Variants in CMTM6 observed in about 807,000 individuals in gnomAD.
CMTM6 encodes CKLF like MARVEL transmembrane domain containing 6.
CMTM6 carries 5 observed loss-of-function variants against 13.6 expected under a neutral mutation model. The ratio of observed to expected loss-of-function variants is 0.37; its 90% CI spans 0.19 to 0.77. The LOEUF is 0.77. Ranked by LOEUF, CMTM6 falls within the 30% of genes least tolerant of loss-of-function variation. The pLI is 0.50. For synonymous variants in CMTM6, 99 were observed against 84.5 expected (o/e 1.17, Z -0.94); for missense variants, 196 against 218.6 (o/e 0.90, Z 0.65).
At chr3:32,494,777 G>A (rs2125658317) in intron 1 of CMTM6, among the ~76,000 whole-genome samples, 1 of 152,288 alleles carries the variant, frequency 6.6e-6, no homozygotes, top group Middle Eastern at 3.4e-3. Flanking sequence ...CATATTGCAT[G>A]ATTCCATTCA....
chr3:32,499,041 T>A (rs1697323515), intron 1 of CMTM6, among the ~76,000 whole-genome samples: 1 of 152,172 alleles, frequency 6.6e-6, no homozygotes, highest in Non-Finnish European at 1.5e-5. Flanking sequence ...ATGATATGAA[T>A]TATAAATTAA....
rs973957561 is a variant in CMTM6, at chr3:32,483,916, A to G, written c.*44T>C. On this transcript the variant is annotated 3_prime_UTR_variant, in exon 4 of 4. Transcript: ENST00000205636. ...GCTTCTGCCAGGGCTCAGGCACCAC[A>G]ATGCAGGGTCACTACCTTAGGTAAC... 6 of 1,490,798 alleles carry G rather than the reference A, an allele frequency of 4.0e-6. No individual in the cohort carries two copies. Among genetic ancestry groups the G allele is most frequent in the Middle Eastern group, 1.8e-4 (1 of 5,542 alleles). 92.3% of individuals were successfully genotyped at this position (1,490,798 alleles called of 1,614,324 possible). A position where few individuals can be genotyped will look rare whatever the true frequency, so the allele number is the denominator to read the frequency against.
intron 2 of CMTM6, among the ~76,000 whole-genome samples, chr3:32,489,460 G>A (rs1697232816): frequency 6.6e-6 from 1 of 151,844 alleles, no homozygotes; most frequent in South Asian, 2.1e-4. Flanking sequence ...AGAACACCAT[G>A]GCCAACATGG....
intron 2 of CMTM6, among the ~76,000 whole-genome samples, chr3:32,488,919 G>T (rs1039024413): frequency 6.6e-6 from 1 of 152,146 alleles, no homozygotes; most frequent in Non-Finnish European, 1.5e-5. Flanking sequence ...ACTCCAAAGG[G>T]TTTTAAGTCT....
rs747859601 is a variant in CMTM6 at position 32,487,887 on chromosome 3, A to G, written c.414+51T>C. 15 of 1,335,182 alleles carry G rather than the reference A, an allele frequency of 1.1e-5. 1 individual carries two copies. The highest frequency in any genetic ancestry group is 8.6e-5 in the South Asian group (7 of 81,314). 82.7% of individuals were successfully genotyped at this position (1,335,182 alleles called of 1,614,324 possible). On this transcript the variant is annotated intron_variant, in intron 3 of 3. Transcript: ENST00000205636. Reference sequence around the variant, plus strand: ...ACTTGTCAAGTACTCTCCAAATTCCATATTTCTAAGGAAACAAAAATAAGC... The same window carrying G: ...ACTTGTCAAGTACTCTCCAAATTCCGTATTTCTAAGGAAACAAAAATAAGC...
rs181673129 is a variant in CMTM6 at position 32,485,651 on chromosome 3, T to C, written c.415-1554A>G. ...TTAAAACTTTGATTTTTCTCTTCTA[T>C]TGGTTCATGTACCCATGAATAAATA... On this transcript the variant is annotated intron_variant, in intron 3 of 3. Transcript: ENST00000205636. 4.3e-3 allele frequency among the ~76,000 whole-genome samples: 653 copies of C among 152,348 alleles called. 6 individuals are homozygous for C. Among genetic ancestry groups the C allele is most frequent in the African/African-American group, 0.015 (627 of 41,570 alleles).
rs1385375367 is a variant in CMTM6 at position 32,483,966 on chromosome 3, A to G, written c.546T>C (p.Asn182=). The part of the protein sequence containing the change: ...TRAEALTEPL[N]A Reference sequence around the variant, plus strand: ...CATCTGCTCCCCAGAGTCTTTAGGCATTAAGTGGCTCAGTGAGGGCTTCAG... The same window carrying G: ...CATCTGCTCCCCAGAGTCTTTAGGCGTTAAGTGGCTCAGTGAGGGCTTCAG... Residue 182 remains asparagine, a synonymous_variant, in exon 4 of 4, where the codon AAT becomes AAC. Coordinates refer to ENST00000205636, the MANE Select transcript of CMTM6 (RefSeq NM_017801.3). 2.5e-6 allele frequency: 4 copies of G among 1,602,052 alleles called. No homozygotes were observed. Among genetic ancestry groups the G allele is most frequent in the Non-Finnish European group, 3.4e-6 (4 of 1,175,996 alleles).
chr3:32,496,319 C>A (rs1335867598), intron 1 of CMTM6, among the ~76,000 whole-genome samples: 1 of 151,770 alleles, frequency 6.6e-6, no homozygotes, highest in Non-Finnish European at 1.5e-5. Context: ...CGATGGCTCA[C>A]ATCTGTAATC....
At chr3:32,491,072 C>G (rs1297582217) in intron 2 of CMTM6, among the ~76,000 whole-genome samples, 1 of 152,150 alleles carries the variant, frequency 6.6e-6, no homozygotes, top group Admixed American at 6.5e-5. Context: ...ATAGAAATTC[C>G]TATAGTGATG....
At position 32,502,736 on chromosome 3, in the gene CMTM6, C is replaced by G. The variant is rs1219013646; in HGVS notation, c.10G>C (p.Gly4Arg). 6.7e-7 allele frequency: 1 copy of G among 1,482,494 alleles called. No homozygotes were observed. The highest frequency in any genetic ancestry group is 2.7e-5 in the East Asian group (1 of 36,786). 91.8% of individuals were successfully genotyped at this position (1,482,494 alleles called of 1,614,324 possible). ...TCCGTAGTGGGGCTGTACACCGCTCCGTTCTCCATCGCCTCGGGCCGGGGA... is the reference window on the plus strand; with the variant it reads ...TCCGTAGTGGGGCTGTACACCGCTCGGTTCTCCATCGCCTCGGGCCGGGGA... MEN[G>R]AVYSPTTEED... Residue 4 changes from glycine (G) to arginine (R), a missense_variant, in exon 1 of 4, where the codon GGA (glycine) becomes CGA (arginine). Coordinates refer to ENST00000205636, the MANE Select transcript of CMTM6 (RefSeq NM_017801.3).
At position 32,483,183 on chromosome 3, in the gene CMTM6, T is replaced by TC. The variant is rs1349200070; in HGVS notation, c.*776_*777insG. 1 of 152,686 alleles carries TC rather than the reference T, an allele frequency of 6.5e-6. No homozygotes were observed. Among genetic ancestry groups the TC allele is most frequent in the Non-Finnish European group, 1.5e-5 (1 of 68,048 alleles). 9.5% of individuals were successfully genotyped at this position (152,686 alleles called of 1,614,324 possible). On this transcript the variant is annotated 3_prime_UTR_variant, in exon 4 of 4. Coordinates refer to ENST00000205636, the MANE Select transcript of CMTM6 (RefSeq NM_017801.3). ...CTTGGGCAAAAAGTCTTTCTTATCT[T>TC]TGGTCCTTAGGTGTGGTATCAGTTT...
At chr3:32,485,989 T>C (rs575365865) in intron 3 of CMTM6, among the ~76,000 whole-genome samples, 8 of 152,350 alleles carry the variant, frequency 5.3e-5, no homozygotes, top group African/African-American at 1.9e-4. Flanking sequence ...GCGATTTTCC[T>C]GCCTCAGCCT....
At chr3:32,495,432 TAATAA>T (rs967439902) in intron 1 of CMTM6, among the ~76,000 whole-genome samples, 1 of 152,246 alleles carries the variant, frequency 6.6e-6, no homozygotes, top group Non-Finnish European at 1.5e-5. Context: ...GACTATAGTC[TAATAA>T]AATACTAAAT....
chr3:32,501,787 A>C lies in CMTM6; in HGVS notation c.138+821T>G, dbSNP rs569367652. ...CCTAAACTGGTTCTATTGCAGAAATAGAACCTAAACTGTTTCTATTTTTCC... is the reference window on the plus strand; with the variant it reads ...CCTAAACTGGTTCTATTGCAGAAATCGAACCTAAACTGTTTCTATTTTTCC... On this transcript the variant is annotated intron_variant, in intron 1 of 3. Coordinates refer to ENST00000205636, the MANE Select transcript of CMTM6 (RefSeq NM_017801.3). Among the ~76,000 whole-genome samples, 363 of 152,360 alleles carry C rather than the reference A, an allele frequency of 2.4e-3. 2 individuals carry two copies. Among genetic ancestry groups the C allele is most frequent in the African/African-American group, 8.4e-3 (348 of 41,576 alleles).
chr3:32,485,972 G>A (rs1005110535), intron 3 of CMTM6, among the ~76,000 whole-genome samples: 3 of 152,128 alleles, frequency 2.0e-5, no homozygotes, highest in South Asian at 2.1e-4. Context: ...CCGCCTCCTC[G>A]GTTCAAGCGA....
intron 3 of CMTM6, 101 bp from the exon 4 acceptor site, chr3:32,484,198 G>T: frequency 1.8e-6 from 2 of 1,095,320 alleles, no homozygotes; most frequent in Non-Finnish European, 2.5e-6. Context: ...AGATGTTCAT[G>T]AATTTTATCT....
intron 1 of CMTM6, among the ~76,000 whole-genome samples, chr3:32,497,462 G>A (rs557988083): frequency 1.3e-5 from 2 of 149,528 alleles, no homozygotes; most frequent in South Asian, 4.2e-4. Flanking sequence ...CTCATACCGT[G>A]ACACCTGGTA....
chr3:32,486,381 C>T (rs61172752), intron 3 of CMTM6, among the ~76,000 whole-genome samples: 1 of 151,392 alleles, frequency 6.6e-6, no homozygotes. Context: ...AAAATTGACA[C>T]AAAGTAAGCC....
rs1488012851 is a variant in CMTM6, at chr3:32,483,025, G to A, written c.*935C>T. 6.6e-6 allele frequency: 1 copy of A among 152,586 alleles called. No individual in the cohort carries two copies. The highest frequency in any genetic ancestry group is 2.4e-5 in the African/African-American group (1 of 41,430). 9.5% of individuals were successfully genotyped at this position (152,586 alleles called of 1,614,324 possible). ...GAAAACACTAAGGAAGACCCACAGA[G>A]CTGTATTAATTTTAGTAAAAATAAT... On this transcript the variant is annotated 3_prime_UTR_variant, in exon 4 of 4. Transcript: ENST00000205636.
Sources: allele counts gnomAD v4.1 joint callset (sites outside exome capture counted in the v4.1 genomes callset), GRCh38; gene constraint gnomAD v4.1.1; transcripts MANE v1.5; gene names NCBI Gene and HGNC (gene_info 2026-07-23, HGNC 2026-07-21).